PIK3C2G: variants seen among roughly 807,000 people sequenced by gnomAD.
The protein encoded by PIK3C2G is phosphatidylinositol 3-kinase C2 domain-containing subunit gamma.
A neutral mutation model predicts 181.1 loss-of-function variants in PIK3C2G; 168 were observed. The ratio of observed to expected loss-of-function variants is 0.93; its 90% CI spans 0.82 to 1.05. The LOEUF is 1.05. PIK3C2G is among the 50% of genes least tolerant of loss of function. The probability of loss-of-function intolerance (pLI) is 0.00; values close to 1 mark genes in which losing one functional copy is unlikely to be tolerated. For missense variants in PIK3C2G, 1,869 were observed against 1,732.8 expected (o/e 1.08, Z -1.40); for synonymous variants, 573 against 592.2 (o/e 0.97, Z 0.47).
intron 1 of PIK3C2G, among the ~76,000 whole-genome samples, chr12:18,266,210 C>T (rs543978994): frequency 8.8e-4 from 133 of 151,966 alleles, no homozygotes; most frequent in African/African-American, 3.0e-3. Context: ...AATGTTATCA[C>T]ATTTTGATTC....
chr12:18,376,632 G>T (rs1942458606), intron 13 of PIK3C2G, among the ~76,000 whole-genome samples: 1 of 152,194 alleles, frequency 6.6e-6, no homozygotes, highest in South Asian at 2.1e-4. Context: ...GAGTAATATA[G>T]TTTGGATGTT....
intron 18 of PIK3C2G, among the ~76,000 whole-genome samples, chr12:18,442,227 A>C (rs1946783198): frequency 6.6e-6 from 1 of 152,162 alleles, no homozygotes; most frequent in Non-Finnish European, 1.5e-5. Context: ...TATTAACCCC[A>C]AAACTATGAG....
At chr12:18,386,332 C>T (rs527690562) in intron 14 of PIK3C2G, among the ~76,000 whole-genome samples, 5 of 152,250 alleles carry the variant, frequency 3.3e-5, no homozygotes, top group South Asian at 2.1e-4. Context: ...TTAAAGTGTG[C>T]GATTCAGTAG....
intron 2 of PIK3C2G, among the ~76,000 whole-genome samples, chr12:18,284,551 C>T (rs1426517691): frequency 6.6e-6 from 1 of 152,018 alleles, no homozygotes; most frequent in Non-Finnish European, 1.5e-5. Flanking sequence ...CTGAGATAAT[C>T]CAGATGTTGG....
At chr12:18,597,857 G>C (rs1183392878) in intron 30 of PIK3C2G, among the ~76,000 whole-genome samples, 2 of 151,896 alleles carry the variant, frequency 1.3e-5, no homozygotes, top group Non-Finnish European at 2.9e-5. Flanking sequence ...ACCAATAACA[G>C]ACAAACAGAG....
rs990822255 is a variant in PIK3C2G, at chr12:18,446,539, T to C, written c.2504+22500T>C. The stretch of plus-strand genomic sequence containing the variant: ...GTCACTGGCCCCAATGTACCACCCA[T>C]ACCGTGTGATTTTTCTCCCTGCAAC... On this transcript the variant is annotated intron_variant, in intron 18 of 32. Coordinates refer to ENST00000538779, the MANE Select transcript of PIK3C2G (RefSeq NM_001288772.2). Among the ~76,000 whole-genome samples, 3 of 152,206 alleles carry C rather than the reference T, an allele frequency of 2.0e-5. No individual in the cohort carries two copies. In the South Asian group the frequency reaches 6.2e-4, roughly 32 times the overall value.
intron 24 of PIK3C2G, among the ~76,000 whole-genome samples, chr12:18,529,989 A>G (rs941754473): frequency 8.5e-5 from 13 of 152,244 alleles, no homozygotes; most frequent in African/African-American, 3.1e-4. Context: ...CTAAGACCAC[A>G]TGCCAGAGCA....
At chr12:18,671,187 T>TA in the PIK3C2G span, among the ~76,000 whole-genome samples, 72,197 of 133,882 alleles carry the variant, frequency 0.54, 19,397 homozygotes, top group South Asian at 0.64. Flanking sequence ...AGACTCCATC[T>TA]AAAAAAAAAA....
intron 18 of PIK3C2G, among the ~76,000 whole-genome samples, chr12:18,434,693 C>G (rs1235658816): frequency 3.3e-5 from 5 of 152,100 alleles, no homozygotes; most frequent in Non-Finnish European, 1.5e-5. Flanking sequence ...ATTTGGTAAA[C>G]CTGTAGCAGT....
chr12:18,412,886 G>A lies in PIK3C2G; in HGVS notation c.2316-8055G>A, dbSNP rs12296836. Among the ~76,000 whole-genome samples the A allele has an allele frequency of 2.9e-3, 437 of 152,208 alleles. 1 individual carries two copies. The highest frequency in any genetic ancestry group is 9.7e-3 in the African/African-American group (403 of 41,542). ...ACTTGGTGCTCTTCCTTCCCTGCAC[G>A]TGTAAGCATTACCATTTCAACTTAA... On this transcript the variant is annotated intron_variant, in intron 16 of 32. Coordinates refer to ENST00000538779, the MANE Select transcript of PIK3C2G (RefSeq NM_001288772.2).
At position 18,383,145 on chromosome 12, in the gene PIK3C2G, G is replaced by A. The variant is rs774576601; in HGVS notation, c.1995+1265G>A. ...AAGAGGAGAGACTCATCACAAACCC[G>A]GTAAACATATTCTACTAATGAAGAA... On this transcript the variant is annotated intron_variant, in intron 14 of 32. Coordinates refer to ENST00000538779, the MANE Select transcript of PIK3C2G (RefSeq NM_001288772.2). 1.4e-4 allele frequency among the ~76,000 whole-genome samples: 22 copies of A among 152,028 alleles called. 1 individual carries two copies. Among genetic ancestry groups the A allele is most frequent in the Admixed American group, 3.3e-4 (5 of 15,252 alleles).
chr12:18,703,851 A>G, the PIK3C2G span, among the ~76,000 whole-genome samples: 2 of 152,198 alleles, frequency 1.3e-5, no homozygotes, highest in African/African-American at 4.8e-5. Context: ...CCTTTTGATT[A>G]TTTTAAGTTG....
intron 31 of PIK3C2G, among the ~76,000 whole-genome samples, chr12:18,619,735 ATTTTAAT>A (rs1262363392): frequency 2.5e-4 from 27 of 108,970 alleles, no homozygotes; most frequent in Non-Finnish European, 4.3e-4. Context: ...ACTTCGTATG[ATTTTAAT>A]TTTTTTTTTT....
At chr12:18,625,802 T>C (rs1285419123) in intron 31 of PIK3C2G, among the ~76,000 whole-genome samples, 1 of 151,908 alleles carries the variant, frequency 6.6e-6, no homozygotes, top group African/African-American at 2.4e-5. Flanking sequence ...AGTTTTTTAT[T>C]TAAAGTCTAT....
the PIK3C2G span, among the ~76,000 whole-genome samples, chr12:18,704,564 G>C: frequency 6.6e-6 from 1 of 151,948 alleles, no homozygotes; most frequent in African/African-American, 2.4e-5. Context: ...TAACCTCAGG[G>C]GATCCGCCCT....
intron 18 of PIK3C2G, chr12:18,424,878 T>C: frequency 4.9e-6 from 1 of 205,678 alleles, no homozygotes; most frequent in Non-Finnish European, 1.1e-5. Context: ...ATACCTACCA[T>C]TTCCTGTACT....
chr12:18,693,540 T>C, the PIK3C2G span: 1 of 1,610,766 alleles, frequency 6.2e-7, no homozygotes, highest in Non-Finnish European at 8.5e-7. Flanking sequence ...GGCTCTGAAC[T>C]TATTCAGAAG....
intron 24 of PIK3C2G, among the ~76,000 whole-genome samples, chr12:18,516,226 A>C (rs928441878): frequency 2.0e-5 from 3 of 150,114 alleles, no homozygotes; most frequent in African/African-American, 7.3e-5. Context: ...ATGTTTTAAG[A>C]ATAGCTTTGC....
At chr12:18,638,508 A>G (rs527952468) in intron 31 of PIK3C2G, among the ~76,000 whole-genome samples, 136 of 152,230 alleles carry the variant, frequency 8.9e-4, no homozygotes, top group African/African-American at 3.1e-3. Flanking sequence ...TTGGAGTTCA[A>G]CTCGCATTGT....
Sources: allele counts gnomAD v4.1 joint callset (sites outside exome capture counted in the v4.1 genomes callset), GRCh38; gene constraint gnomAD v4.1.1; transcripts MANE v1.5; gene names NCBI Gene and HGNC (gene_info 2026-07-23, HGNC 2026-07-21).